Variants in TMEM181 observed in about 807,000 individuals in gnomAD.
The protein encoded by TMEM181 is transmembrane protein 181.
TMEM181 carries 39 observed loss-of-function variants against 71.9 expected under a neutral mutation model. That is an observed-to-expected ratio of 0.54 (90% CI 0.42 to 0.71). The LOEUF is 0.71. Ranked by LOEUF, TMEM181 falls within the 30% of genes least tolerant of loss-of-function variation. The pLI is 0.00. For missense variants in TMEM181, 595 were observed against 583.0 expected (o/e 1.02, Z -0.21); for synonymous variants, 245 against 228.8 (o/e 1.07, Z -0.64).
chr6:158,556,805 C>T (rs546844309), upstream of TMEM181, among the ~76,000 whole-genome samples: 10 of 152,186 alleles, frequency 6.6e-5, no homozygotes, highest in African/African-American at 1.9e-4. Flanking sequence ...CTCTGTTGCC[C>T]AGGCTAGAGT....
chr6:158,536,840 C>A (rs751845062), exon 1 of TMEM181: 1 of 1,534,430 alleles, frequency 6.5e-7, no homozygotes, highest in South Asian at 1.2e-5. Context: ...GGACCTCACG[C>A]CCTTCAAGGA....
chr6:158,557,978 A>G (rs371547407), upstream of TMEM181, among the ~76,000 whole-genome samples: 1 of 152,374 alleles, frequency 6.6e-6, no homozygotes, highest in East Asian at 1.9e-4. Context: ...GAAAACGAGT[A>G]TGACGGGAGA....
At chr6:158,603,653 A>G (rs984218475) in intron 6 of TMEM181, among the ~76,000 whole-genome samples, 5 of 149,500 alleles carry the variant, frequency 3.3e-5, no homozygotes, top group Non-Finnish European at 7.4e-5. Context: ...CACATTTACC[A>G]ATCTCTGTCG....
chr6:158,571,442 C>T (rs12527414), intron 1 of TMEM181, among the ~76,000 whole-genome samples: 11,017 of 133,038 alleles, frequency 0.083, 1,357 homozygotes, highest in Middle Eastern at 0.13. Flanking sequence ...GATTACAGGC[C>T]TGAGCCACCA....
rs41266341 is a variant in TMEM181, at chr6:158,585,341, A to C, written c.297A>C (p.Lys99Asn). Residue 99 changes from lysine to asparagine, a missense_variant, in exon 5 of 17, where the codon AAA becomes AAC. Physicochemically the swap from Lys to Asn is moderately conservative, Grantham distance 94 (BLOSUM62 0). Transcript: ENST00000684151. Reference sequence around the variant, plus strand: ...AGACAAGCTTTCCCATGACTGTTAAAGTCGATGGTGTAGCTCAAGATGGAA... The same window carrying C: ...AGACAAGCTTTCCCATGACTGTTAACGTCGATGGTGTAGCTCAAGATGGAA... Reference protein sequence around the residue: ...SIKTSFPMTVKVDGVAQDGTT... With the variant: ...SIKTSFPMTVNVDGVAQDGTT... 12,282 of 1,609,140 alleles carry C rather than the reference A, an allele frequency of 7.6e-3. 67 individuals are homozygous for C. Among genetic ancestry groups the C allele is most frequent in the Middle Eastern group, 0.017 (105 of 6,024 alleles).
intron 16 of TMEM181, 90 bp from the exon 17 acceptor site, chr6:158,631,720 T>C (rs1786675368): frequency 7.2e-7 from 1 of 1,387,484 alleles, no homozygotes; most frequent in African/African-American, 1.4e-5. Context: ...AGCTATGATT[T>C]AATTCCTGCT....
chr6:158,632,201 CT>C lies in TMEM181; in HGVS notation c.*321del, dbSNP rs1332986091. 6.7e-5 allele frequency: 21 copies of C among 313,278 alleles called. No individual in the cohort carries two copies. Among genetic ancestry groups the C allele is most frequent in the East Asian group, 2.0e-4 (3 of 15,370 alleles). The allele number at this position is 313,278 out of a possible 1,614,324, so 19.4% of individuals were successfully genotyped here. On this transcript the variant is annotated 3_prime_UTR_variant, in exon 17 of 17. Coordinates refer to ENST00000684151, the MANE Select transcript of TMEM181 (RefSeq NM_001376852.1). ...CGTTTTTAGTACAGTGAATTATGTA[CT>C]TTTTTTTCCTGTAATCATTCACTGA...
intron 1 of TMEM181, among the ~76,000 whole-genome samples, chr6:158,561,264 T>TTC (rs1055773858): frequency 6.6e-6 from 1 of 152,248 alleles, no homozygotes; most frequent in African/African-American, 2.4e-5. Flanking sequence ...TTCTGCTTCC[T>TTC]TAGAAGTTTC....
At chr6:158,565,100 G>A (rs926131602) in intron 1 of TMEM181, among the ~76,000 whole-genome samples, 5 of 152,198 alleles carry the variant, frequency 3.3e-5, no homozygotes, top group Non-Finnish European at 7.3e-5. Context: ...TGGGAATGCT[G>A]GTGCTGGCTT....
intron 3 of TMEM181, among the ~76,000 whole-genome samples, chr6:158,582,995 G>T (rs747151652): frequency 5.3e-5 from 8 of 152,118 alleles, no homozygotes; most frequent in Non-Finnish European, 1.0e-4. Context: ...AGCACTTTGG[G>T]AGGCCGAGGT....
rs1385312958 is a variant in TMEM181, at chr6:158,625,722, G to T, written c.1077G>T (p.Leu359Phe). ...MPYVDLRLKF[L>F]TALTFVVLVI... ...TTTCAGATCTCAGGTTGAAATTTTT[G>T]ACTGCATTGACTTTCGTAGTACTTG... Residue 359 changes from leucine (L) to phenylalanine (F), a missense_variant, in exon 13 of 17, where the codon TTG (leucine) becomes TTT (phenylalanine). Transcript: ENST00000684151. The T allele has an allele frequency of 6.2e-7, 1 of 1,610,394 alleles. No homozygotes were observed. The highest frequency in any genetic ancestry group is 1.1e-5 in the South Asian group (1 of 89,668).
At position 158,571,463 on chromosome 6, in the gene TMEM181, C is replaced by G. The variant is rs1318285209; in HGVS notation, c.9-1957C>G. On this transcript the variant is annotated intron_variant, in intron 1 of 16. Transcript: ENST00000684151. ...AGGCCTGAGCCACCACGCCTGGCTG[C>G]TAATTTTTGTATTTTTAGTAGAGAC... Among the ~76,000 whole-genome samples the G allele has an allele frequency of 4.6e-5, 6 of 131,000 alleles. 1 individual carries two copies. Among genetic ancestry groups the G allele is most frequent in the Non-Finnish European group, 9.9e-5 (6 of 60,312 alleles). The allele number at this position is 131,000 out of a possible 152,430, so 85.9% of individuals were successfully genotyped here.
intron 1 of TMEM181, among the ~76,000 whole-genome samples, chr6:158,540,206 T>C (rs1190505388): frequency 6.6e-6 from 1 of 150,874 alleles, no homozygotes; most frequent in African/African-American, 2.4e-5. Context: ...ACTCCTTGAA[T>C]CTCCGTATCT....
In TMEM181 at chr6:158,620,811, C is replaced by T. The variant is rs1348190967; in HGVS notation, c.897-2739C>T. 6.6e-6 allele frequency among the ~76,000 whole-genome samples: 1 copy of T among 152,200 alleles called. No homozygotes were observed. The highest frequency in any genetic ancestry group is 1.5e-5 in the Non-Finnish European group (1 of 68,036). ...GAGAGCCTCTGTCCCCAACATCTGT[C>T]CCGGGTTTCAGCACCAAATGTAAGT... is the stretch of plus-strand genomic sequence containing the variant. On this transcript the variant is annotated intron_variant, in intron 10 of 16. Coordinates refer to ENST00000684151, the MANE Select transcript of TMEM181 (RefSeq NM_001376852.1). This position sits in a 1 kb window ranked among gnomAD's most constrained non-coding sequence, Gnocchi z 4.5.
chr6:158,599,783 C>T (rs1349240024), intron 6 of TMEM181, among the ~76,000 whole-genome samples: 1 of 152,254 alleles, frequency 6.6e-6, no homozygotes, highest in African/African-American at 2.4e-5. Context: ...ACTCTCGGGG[C>T]TTCCTGCAGC....
intron 2 of TMEM181, among the ~76,000 whole-genome samples, chr6:158,576,437 G>T (rs1228282981): frequency 6.6e-6 from 1 of 152,006 alleles, no homozygotes; most frequent in Non-Finnish European, 1.5e-5. Flanking sequence ...TCCCCCGCTG[G>T]CTAACGTTAC....
rs753980250 is a variant in TMEM181 at position 158,624,032 on chromosome 6, G to T, written c.954+425G>T. 5.3e-5 allele frequency among the ~76,000 whole-genome samples: 8 copies of T among 152,330 alleles called. No homozygotes were observed. The East Asian group carries it at 5.8e-4, about 11-fold the overall frequency. ...CCATCTCGGCCTCCCAAAGTGCTGG[G>T]ATTACAGGCGTGAGCCACTGTACCC... On this transcript the variant is annotated intron_variant, in intron 11 of 16. Coordinates refer to ENST00000684151, the MANE Select transcript of TMEM181 (RefSeq NM_001376852.1).
intron 12 of TMEM181, 95 bp downstream of exon 12, chr6:158,625,301 T>G: frequency 1.8e-6 from 2 of 1,092,648 alleles, no homozygotes; most frequent in Non-Finnish European, 2.8e-6. Context: ...GGGGCCTTCC[T>G]TGAGGGCCCA....
At chr6:158,566,097 A>C (rs1782475677) in intron 1 of TMEM181, among the ~76,000 whole-genome samples, 1 of 152,208 alleles carries the variant, frequency 6.6e-6, no homozygotes, top group South Asian at 2.1e-4. Flanking sequence ...GATTCTTCCC[A>C]GTCTCCTGGC....
Sources: allele counts gnomAD v4.1 joint callset (sites outside exome capture counted in the v4.1 genomes callset), GRCh38; gene constraint gnomAD v4.1.1; non-coding constraint Gnocchi (gnomAD v3.1); transcripts MANE v1.5; gene names NCBI Gene and HGNC (gene_info 2026-07-23, HGNC 2026-07-21).